Variants in SUFU observed in about 807,000 individuals in gnomAD.
SUFU encodes SUFU negative regulator of hedgehog signaling, also known as suppressor of fused homolog.
Under a neutral mutation model 58.9 loss-of-function variants are expected in SUFU, and 7 were observed. That is an observed-to-expected ratio of 0.12 (90% CI 0.07 to 0.22). The LOEUF (loss-of-function observed/expected upper bound fraction) is 0.22, where lower values mean the gene tolerates loss of function less well. Ranked by LOEUF, SUFU falls within the 10% of genes least tolerant of loss-of-function variation. The pLI is 1.00. For missense variants in SUFU, 451 were observed against 641.3 expected (o/e 0.70, Z 3.20); for synonymous variants, 232 against 254.8 (o/e 0.91, Z 0.85).
chr10:102,548,159 A>C (rs2062873498), intron 2 of SUFU, among the ~76,000 whole-genome samples: 1 of 152,172 alleles, frequency 6.6e-6, no homozygotes, highest in Non-Finnish European at 1.5e-5. Flanking sequence ...GTCTCAAAAA[A>C]ATACATAGAT....
In SUFU at chr10:102,628,881, C is replaced by T. The variant is rs1212979601; in HGVS notation, c.1366-1185C>T. On this transcript the variant is annotated intron_variant, in intron 11 of 11. Coordinates refer to ENST00000369902, the MANE Select transcript of SUFU (RefSeq NM_016169.4). The surrounding 1 kb of genome is among the most constrained non-coding windows in gnomAD (Gnocchi z 4.5). ...TAGAAAAGACAGACCCTGGGCCGGG[C>T]GCAGTGACTCATGTCTGTAATCCCA... 2.6e-5 allele frequency among the ~76,000 whole-genome samples: 4 copies of T among 151,956 alleles called. No homozygotes were observed. The highest frequency in any genetic ancestry group is 4.8e-5 in the African/African-American group (2 of 41,370).
At chr10:102,516,579 C>T (rs1457164666) in intron 2 of SUFU, among the ~76,000 whole-genome samples, 1 of 151,934 alleles carries the variant, frequency 6.6e-6, no homozygotes, top group African/African-American at 2.4e-5. Flanking sequence ...GACAGAGTCT[C>T]GCTCTGTTGC....
intron 3 of SUFU, among the ~76,000 whole-genome samples, chr10:102,577,685 T>G (rs1376552926): frequency 2.1e-5 from 3 of 146,010 alleles, no homozygotes; most frequent in East Asian, 2.1e-4. Flanking sequence ...ACGAGTTGTT[T>G]TTTTTTTTTT....
chr10:102,535,930 AGATGATGATGATGATGATGATGATGAT>A, intron 2 of SUFU, among the ~76,000 whole-genome samples: 1 of 148,720 alleles, frequency 6.7e-6, no homozygotes, highest in East Asian at 2.0e-4. Context: ...TCTAGGCTGG[AGATGATGATGATGATGATGATGATGAT>A]GATGATGATG....
intron 3 of SUFU, among the ~76,000 whole-genome samples, chr10:102,565,227 T>C (rs2063075114): frequency 6.6e-6 from 1 of 152,214 alleles, no homozygotes; most frequent in Non-Finnish European, 1.5e-5. Flanking sequence ...ATTTTATCTC[T>C]GGCCGTTCAC....
intron 3 of SUFU, among the ~76,000 whole-genome samples, chr10:102,580,704 G>T (rs546326471): frequency 1.3e-5 from 2 of 152,314 alleles, no homozygotes; most frequent in East Asian, 3.9e-4. Context: ...CCTGAGGGCA[G>T]TGCCCTCTGT....
intron 2 of SUFU, among the ~76,000 whole-genome samples, chr10:102,534,407 A>T (rs569690320): frequency 5.0e-4 from 76 of 152,316 alleles, no homozygotes; most frequent in African/African-American, 1.6e-3. Flanking sequence ...GGCCTGGGCT[A>T]CAGAGCGAGA....
In SUFU at chr10:102,599,523, G is replaced by C. The variant is rs1295694684; in HGVS notation, c.1001G>C (p.Gly334Ala). 1 of 1,614,162 alleles carries C rather than the reference G, an allele frequency of 6.2e-7. No individual in the cohort carries two copies. The highest frequency in any genetic ancestry group is 1.1e-5 in the South Asian group (1 of 91,088). ...CCAATCAACCCTCAGCGGCAGAATG[G>C]CCTCGCCCACGACCGGGCCCCGTAA... is the stretch of plus-strand genomic sequence containing the variant. The part of the protein sequence containing the change: ...LPPINPQRQN[G>A]LAHDRAPSRK... Residue 334 changes from glycine to alanine, a missense_variant, in exon 8 of 12, where the codon GGC becomes GCC. Gly to Ala is a moderately conservative substitution (Grantham distance 60). Coordinates refer to ENST00000369902, the MANE Select transcript of SUFU (RefSeq NM_016169.4).
In SUFU at chr10:102,617,283, T is replaced by A; in HGVS notation, c.1158-7T>A. ...GCTCCTCACTGTCTCCATGTTCCCA[T>A]CTCCAGGGGCAGGCTCCTGCATGGA... is the stretch of plus-strand genomic sequence containing the variant. On this transcript the variant is annotated splice_polypyrimidine_tract_variant and splice_region_variant and intron_variant, in intron 9 of 11. Coordinates refer to ENST00000369902, the MANE Select transcript of SUFU (RefSeq NM_016169.4). The surrounding 1 kb of genome is among the most constrained non-coding windows in gnomAD (Gnocchi z 4.4). The A allele has an allele frequency of 6.2e-7, 1 of 1,614,164 alleles. No homozygotes were observed.
At chr10:102,551,592 C>T (rs1487633571) in intron 3 of SUFU, among the ~76,000 whole-genome samples, 1 of 150,112 alleles carries the variant, frequency 6.7e-6, no homozygotes, top group East Asian at 2.0e-4. Context: ...GAGCCAAGAT[C>T]GCACCACTGT....
chr10:102,530,162 T>G (rs1005151884), intron 2 of SUFU, among the ~76,000 whole-genome samples: 2 of 152,268 alleles, frequency 1.3e-5, no homozygotes, highest in Admixed American at 1.3e-4. Flanking sequence ...ATGGGCTCAG[T>G]TGCTTCCACA....
At chr10:102,579,811 A>G in intron 3 of SUFU, 2 of 985,436 alleles carry the variant, frequency 2.0e-6, no homozygotes, top group Non-Finnish European at 2.4e-6. Flanking sequence ...AAACACTCAA[A>G]TGAACTTTTC....
intron 8 of SUFU, among the ~76,000 whole-genome samples, chr10:102,610,524 A>T (rs2063612520): frequency 6.6e-6 from 1 of 152,226 alleles, no homozygotes; most frequent in African/African-American, 2.4e-5. Context: ...GGCAAAACAG[A>T]AATGTCCAGA....
At chr10:102,567,802 T>C (rs1217487071) in intron 3 of SUFU, among the ~76,000 whole-genome samples, 2 of 152,146 alleles carry the variant, frequency 1.3e-5, no homozygotes, top group African/African-American at 4.8e-5. Context: ...GCTGCATACC[T>C]GGGGCACTGT....
intron 3 of SUFU, among the ~76,000 whole-genome samples, chr10:102,562,415 C>T (rs777352099): frequency 3.3e-5 from 5 of 151,862 alleles, no homozygotes; most frequent in East Asian, 1.9e-4. Context: ...TCCCAGCTAT[C>T]GGGAGGCTGA....
chr10:102,626,835 T>C (rs996700024), intron 10 of SUFU, among the ~76,000 whole-genome samples: 1 of 152,158 alleles, frequency 6.6e-6, no homozygotes, highest in Non-Finnish European at 1.5e-5. Context: ...AATTTTTCTT[T>C]TCTGTTCCTT....
intron 3 of SUFU, among the ~76,000 whole-genome samples, chr10:102,562,723 T>G (rs1247206600): frequency 6.6e-6 from 1 of 152,050 alleles, no homozygotes; most frequent in Non-Finnish European, 1.5e-5. Context: ...AAACCTCATC[T>G]CTACTGAAAA....
chr10:102,620,933 T>C (rs2063734781), intron 10 of SUFU, among the ~76,000 whole-genome samples: 1 of 152,182 alleles, frequency 6.6e-6, no homozygotes, highest in African/African-American at 2.4e-5. Context: ...GGCCCCGCAA[T>C]GCTTTCTCAG....
At chr10:102,594,672 G>A (rs564831357) in intron 6 of SUFU, among the ~76,000 whole-genome samples, 8 of 152,288 alleles carry the variant, frequency 5.3e-5, no homozygotes, top group East Asian at 1.9e-4. Flanking sequence ...TGTTTTAGAA[G>A]CATTCCTTTG....
Sources: gnomAD v4.1 joint callset for allele counts (sites outside exome capture counted in the v4.1 genomes callset) on GRCh38, gnomAD v4.1.1 for gene constraint, Gnocchi (gnomAD v3.1) non-coding constraint, MANE v1.5 for transcripts, NCBI Gene and HGNC (gene_info 2026-07-23, HGNC 2026-07-21) for gene names.